Variants in MEF2B observed in about 807,000 individuals in gnomAD.
The protein encoded by MEF2B is myocyte-specific enhancer factor 2B.
Under a neutral mutation model 32.2 loss-of-function variants are expected in MEF2B, and 15 were observed. The ratio of observed to expected loss-of-function variants is 0.47; its 90% CI spans 0.31 to 0.72. MEF2B has a LOEUF of 0.72. MEF2B is among the 30% of genes least tolerant of loss of function. MEF2B has a pLI of 0.05. For missense variants in MEF2B, 441 were observed against 511.5 expected (o/e 0.86, Z 1.33); for synonymous variants, 205 against 225.6 (o/e 0.91, Z 0.82).
Position 19,145,576 on chromosome 19 carries a change from C to T in MEF2B, c.*221G>A, listed in dbSNP as rs2060017807. ...GGCGAGTCACAGTCAGTCTGGTCCA[C>T]GGACGCCACGCGCGTTTTATTTGTG... On this transcript the variant is annotated 3_prime_UTR_variant, in exon 9 of 9. Transcript: ENST00000424583. The surrounding 1 kb of genome is among the most constrained non-coding windows in gnomAD (Gnocchi z 4.6). 6 of 1,099,326 alleles carry T rather than the reference C, an allele frequency of 5.5e-6. No individual in the cohort carries two copies. The highest frequency in any genetic ancestry group is 5.7e-5 in the Admixed American group (2 of 35,392). The allele number at this position is 1,099,326 out of a possible 1,614,324, so 68.1% of individuals were successfully genotyped here.
Position 19,159,878 on chromosome 19 carries a change from G to T in MEF2B, c.-29-9114C>A, listed in dbSNP as rs575127757. Among the ~76,000 whole-genome samples the T allele has an allele frequency of 6.6e-5, 10 of 151,980 alleles. No individual in the cohort carries two copies. The South Asian group carries it at 2.1e-3, about 32-fold the overall frequency. ...CCTTCCCCTCTGGCCTCTCTGCGTG[G>T]TAGGACTCAGTTCTCTTACCTGTTA... On this transcript the variant is annotated intron_variant, in intron 1 of 8. Transcript: ENST00000424583.
intron 1 of MEF2B, chr19:19,156,940 C>T (rs1011862382): frequency 1.3e-5 from 2 of 151,698 alleles, no homozygotes; most frequent in African/African-American, 4.9e-5. Flanking sequence ...TTGCTTGAGG[C>T]CAGAAATTGG....
intron 1 of MEF2B, among the ~76,000 whole-genome samples, chr19:19,154,745 T>A (rs2060109036): frequency 1.3e-5 from 2 of 152,208 alleles, no homozygotes; most frequent in Admixed American, 1.3e-4. Flanking sequence ...TGAGAAGGTT[T>A]TAAGCAGAGA....
At chr19:19,146,083 G>T in intron 8 of MEF2B, 61 bp from the exon 9 acceptor site, 2 of 1,338,092 alleles carry the variant, frequency 1.5e-6, no homozygotes, top group Non-Finnish European at 2.0e-6. Context: ...GAAGCCAGGG[G>T]ATGGCACAGC....
rs139889780 is a variant in MEF2B, at chr19:19,146,806, G to C, written c.611C>G (p.Thr204Arg). 6.2e-7 allele frequency: 1 copy of C among 1,613,956 alleles called. No homozygotes were observed. The highest frequency in any genetic ancestry group is 2.2e-5 in the East Asian group (1 of 44,888). Residue 204 changes from threonine (T) to arginine (R), a missense_variant, in exon 6 of 9, where the codon ACG (threonine) becomes AGG (arginine). Physicochemically the swap from Thr to Arg is moderately conservative, Grantham distance 71. Transcript: ENST00000424583. Reference sequence around the variant, plus strand: ...AGGCAGGTCTGACCTCCGCCCTTCCGTCGGCAGGTACAGTGGGGGTGGTGT... The same window carrying C: ...AGGCAGGTCTGACCTCCGCCCTTCCCTCGGCAGGTACAGTGGGGGTGGTGT... ...SKTPPPLYLP[T>R]EGRRSDLPGG...
At chr19:19,158,110 T>G (rs953281099) in intron 1 of MEF2B, among the ~76,000 whole-genome samples, 1 of 148,784 alleles carries the variant, frequency 6.7e-6, no homozygotes, top group Non-Finnish European at 1.5e-5. Flanking sequence ...TTTTTTGAAG[T>G]GGAGTCTCGC....
At chr19:19,150,958 A>T (rs2060075836) in intron 1 of MEF2B, among the ~76,000 whole-genome samples, 194 bp from the exon 2 acceptor site, 1 of 152,144 alleles carries the variant, frequency 6.6e-6, no homozygotes, top group African/African-American at 2.4e-5. Context: ...CTCAATGAAC[A>T]TGTTTAGACC....
At chr19:19,156,826 A>G (rs1279311601) in intron 1 of MEF2B, among the ~76,000 whole-genome samples, 2 of 152,078 alleles carry the variant, frequency 1.3e-5, no homozygotes. Context: ...AAATTTTTAA[A>G]AACTTTTTAT....
At chr19:19,146,965 C>T (rs982550959) in intron 5 of MEF2B, 71 bp downstream of exon 5, 1 of 1,564,014 alleles carries the variant, frequency 6.4e-7, no homozygotes, top group Non-Finnish European at 8.7e-7. Flanking sequence ...CGCAGCCTGG[C>T]AATGCCAGAG....
chr19:19,159,806 C>G (rs886308221), intron 1 of MEF2B, among the ~76,000 whole-genome samples: 5 of 152,102 alleles, frequency 3.3e-5, no homozygotes, highest in African/African-American at 1.2e-4. Flanking sequence ...CTTAGCCCCC[C>G]AGTAATGGAG....
At position 19,149,324 on chromosome 19, in the gene MEF2B, G is replaced by T; in HGVS notation, c.160C>A (p.Leu54Ile). ...ALIIFNSANR[L>I]FQYASTDMDR... ...ATGTCCGTGCTGGCATACTGGAAGA[G>T]GCGGTTGGCGCTGTTGAAGATGATG... is the stretch of plus-strand genomic sequence containing the variant. Residue 54 changes from leucine to isoleucine, a missense_variant, in exon 3 of 9, where the codon CTC becomes ATC. Transcript: ENST00000424583. 1 of 1,614,008 alleles carries T rather than the reference G, an allele frequency of 6.2e-7. No homozygotes were observed. The highest frequency in any genetic ancestry group is 8.5e-7 in the Non-Finnish European group (1 of 1,180,018).
At chr19:19,148,514 C>T (rs2060046128) in intron 3 of MEF2B, among the ~76,000 whole-genome samples, 1 of 152,004 alleles carries the variant, frequency 6.6e-6, no homozygotes, top group South Asian at 2.1e-4. Flanking sequence ...TCCTGAGCTG[C>T]CTTCTCCTGG....
chr19:19,159,131 G>T (rs536208461), intron 1 of MEF2B, among the ~76,000 whole-genome samples: 14 of 150,466 alleles, frequency 9.3e-5, no homozygotes, highest in African/African-American at 1.5e-4. Flanking sequence ...AGTAGAGATG[G>T]GGTTTCACCA....
At chr19:19,162,575 T>C (rs1300291656) in intron 1 of MEF2B, among the ~76,000 whole-genome samples, 4 of 152,168 alleles carry the variant, frequency 2.6e-5, no homozygotes, top group Non-Finnish European at 1.5e-5. Context: ...ATGGGGGTCC[T>C]TTTTTCCATA....
At position 19,145,922 on chromosome 19, in the gene MEF2B, C is replaced by G. The variant is rs916404057; in HGVS notation, c.982G>C (p.Gly328Arg). Residue 328 changes from glycine (G) to arginine (R), a missense_variant, in exon 9 of 9, where the codon GGG (glycine) becomes CGG (arginine). By Grantham distance (125) the Gly-to-Arg change is moderately radical. Around this residue, in one of 2 missense-constraint regions of MEF2B, gnomAD observed 326 missense variants for 328.4 expected, o/e 0.99. Transcript: ENST00000424583. This position sits in a 1 kb window ranked among gnomAD's most constrained non-coding sequence, Gnocchi z 4.6. ...GTCTTAGGAAAGTCGCCGGGGCCCC[C>G]GGGGGCCGGAGAGAGGCGCTCAGAC... ...IKSERLSPAP[G>R]GPGDFPKTFP... is the part of the protein sequence containing the mutation. The G allele has an allele frequency of 4.9e-6, 7 of 1,425,830 alleles. No individual in the cohort carries two copies. Among genetic ancestry groups the G allele is most frequent in the Admixed American group, 3.0e-5 (1 of 33,002 alleles). 88.3% of individuals were successfully genotyped at this position (1,425,830 alleles called of 1,614,324 possible).
At position 19,153,035 on chromosome 19, in the gene MEF2B, C is replaced by T. The variant is rs2060095751; in HGVS notation, c.-29-2271G>A. Among the ~76,000 whole-genome samples, 4 of 152,236 alleles carry T rather than the reference C, an allele frequency of 2.6e-5. No homozygotes were observed. In the South Asian group the frequency reaches 6.2e-4, roughly 24 times the overall value. ...CCACGGCTGGGATATGTTGCCCCCA[C>T]CCTGATGGGTCCCTGGGGGGTGGAC... On this transcript the variant is annotated intron_variant, in intron 1 of 8. Coordinates refer to ENST00000424583, the MANE Select transcript of MEF2B (RefSeq NM_001145785.2).
chr19:19,148,227 G>T (rs1376972761), intron 3 of MEF2B, among the ~76,000 whole-genome samples: 1 of 152,254 alleles, frequency 6.6e-6, no homozygotes, highest in Non-Finnish European at 1.5e-5. Flanking sequence ...ACTTTGGGAG[G>T]CCGAGGCAGG....
intron 1 of MEF2B, among the ~76,000 whole-genome samples, chr19:19,155,326 A>C (rs1339263564): frequency 6.6e-6 from 1 of 152,202 alleles, no homozygotes; most frequent in African/African-American, 2.4e-5. Flanking sequence ...AACCCAGTTC[A>C]AAAAACCCAT....
chr19:19,168,335 ACGATCTTCG>A (rs2146389471), intron 1 of MEF2B, among the ~76,000 whole-genome samples: 1 of 139,274 alleles, frequency 7.2e-6, no homozygotes, highest in East Asian at 2.1e-4. Context: ...GTGCAATGAC[ACGATCTTCG>A]CTCACCACAA....
Sources: allele counts gnomAD v4.1 joint callset (sites outside exome capture counted in the v4.1 genomes callset), GRCh38; gene constraint gnomAD v4.1.1; regional missense constraint gnomAD v4.1.1; non-coding constraint Gnocchi (gnomAD v3.1); transcripts MANE v1.5; gene names NCBI Gene and HGNC (gene_info 2026-07-23, HGNC 2026-07-21).